The following STXBP4 variants were observed in gnomAD, a reference collection of about 807,000 sequenced individuals.
The protein encoded by STXBP4 is syntaxin binding protein 4.
STXBP4 carries 55 observed loss-of-function variants against 76.1 expected under a neutral mutation model. That is an observed-to-expected ratio of 0.72 (90% CI 0.58 to 0.91). The LOEUF is 0.91. STXBP4 is among the 40% of genes least tolerant of loss of function. The pLI is 0.00. For synonymous variants in STXBP4, 201 were observed against 220.2 expected (o/e 0.91, Z 0.77); for missense variants, 618 against 636.9 (o/e 0.97, Z 0.32).
intron 8 of STXBP4, among the ~76,000 whole-genome samples, chr17:55,023,655 A>T (rs1466355481): frequency 6.6e-6 from 1 of 152,080 alleles, no homozygotes; most frequent in African/African-American, 2.4e-5. Context: ...TAAAATAAAG[A>T]AGTTTTTAAA....
At chr17:55,150,355 C>CAG (rs939573281) in intron 17 of STXBP4, among the ~76,000 whole-genome samples, 1 of 152,140 alleles carries the variant, frequency 6.6e-6, no homozygotes, top group East Asian at 1.9e-4. Flanking sequence ...TCTTTGTACA[C>CAG]AGAGAGAGAG....
the STXBP4 span, among the ~76,000 whole-genome samples, chr17:55,201,322 T>C: frequency 0.066 from 9,893 of 150,964 alleles, 1,060 homozygotes; most frequent in African/African-American, 0.22. Context: ...AAAATTATTT[T>C]GTTATTGTGA....
chr17:55,141,339 A>G lies in STXBP4; in HGVS notation c.1519A>G (p.Thr507Ala). 1 of 1,612,286 alleles carries G rather than the reference A, an allele frequency of 6.2e-7. No homozygotes were observed. Among genetic ancestry groups the G allele is most frequent in the Non-Finnish European group, 8.5e-7 (1 of 1,179,016 alleles). ...CLPYGWEEAY[T>A]ADGIKYFINH... ...ACCTTATGGGTGGGAGGAAGCTTAC[A>G]CAGCAGATGGAATCAAGTACTTCAT... is the stretch of plus-strand genomic sequence containing the variant. Residue 507 changes from threonine (T) to alanine (A), a missense_variant, in exon 17 of 18, where the codon ACA (threonine) becomes GCA (alanine). Thr to Ala is a moderately conservative substitution (Grantham distance 58). Transcript: ENST00000376352.
At chr17:55,120,599 TACAA>T (rs778502173) in intron 16 of STXBP4, among the ~76,000 whole-genome samples, 76 of 152,196 alleles carry the variant, frequency 5.0e-4, no homozygotes, top group Non-Finnish European at 9.6e-4. Flanking sequence ...TTACCATCAT[TACAA>T]ACAGAGCCTG....
chr17:55,196,876 A>G, the STXBP4 span, among the ~76,000 whole-genome samples: 1 of 152,272 alleles, frequency 6.6e-6, no homozygotes, highest in Non-Finnish European at 1.5e-5. Flanking sequence ...AGAATGACAT[A>G]TAAATAGCCA....
chr17:55,191,827 T>TC, the STXBP4 span, among the ~76,000 whole-genome samples: 1 of 152,144 alleles, frequency 6.6e-6, no homozygotes, highest in Non-Finnish European at 1.5e-5. Context: ...GCTTAAGAGC[T>TC]CAGTCAAACA....
At chr17:54,990,785 C>A in intron 3 of STXBP4, 40 bp from the exon 4 acceptor site, 1 of 1,560,392 alleles carries the variant, frequency 6.4e-7, no homozygotes, top group South Asian at 1.3e-5. Flanking sequence ...AGGTGCAGAT[C>A]TCTAGACTAA....
intron 16 of STXBP4, among the ~76,000 whole-genome samples, chr17:55,116,448 G>T (rs244356): frequency 0.63 from 94,889 of 151,448 alleles, 30,382 homozygotes; most frequent in African/African-American, 0.75. Flanking sequence ...TTTCCCCATT[G>T]TAACTCTACT....
At chr17:55,090,806 G>C (rs1419093601) in intron 16 of STXBP4, among the ~76,000 whole-genome samples, 1 of 151,318 alleles carries the variant, frequency 6.6e-6, no homozygotes, top group African/African-American at 2.4e-5. Context: ...TTCCCATTCT[G>C]CTCTTACACA....
At chr17:55,207,739 A>T in the STXBP4 span, among the ~76,000 whole-genome samples, 1 of 152,198 alleles carries the variant, frequency 6.6e-6, no homozygotes, top group Non-Finnish European at 1.5e-5. Flanking sequence ...ACAATAGGAA[A>T]TATCCCATTT....
intron 8 of STXBP4, among the ~76,000 whole-genome samples, chr17:55,022,111 G>A (rs889159582): frequency 1.3e-4 from 20 of 150,080 alleles, no homozygotes; most frequent in African/African-American, 4.9e-4. Context: ...TGTCCCTTCT[G>A]TAGGAGTGCC....
At chr17:55,190,709 T>C in the STXBP4 span, among the ~76,000 whole-genome samples, 1 of 152,148 alleles carries the variant, frequency 6.6e-6, no homozygotes, top group African/African-American at 2.4e-5. Context: ...GTGGTTTGGG[T>C]GGCAATTTCC....
At chr17:55,140,582 A>T (rs903797603) in intron 16 of STXBP4, among the ~76,000 whole-genome samples, 8 of 152,258 alleles carry the variant, frequency 5.3e-5, no homozygotes, top group Admixed American at 1.3e-4. Flanking sequence ...GGCTGCCTCA[A>T]CTTGGGGCTG....
chr17:54,994,807 CTTT>C (rs964938596), intron 4 of STXBP4, among the ~76,000 whole-genome samples: 2 of 145,780 alleles, frequency 1.4e-5, no homozygotes, highest in African/African-American at 2.5e-5. Context: ...GCGAATTTCT[CTTT>C]TTTTTTTTTC....
chr17:54,999,650 G>C lies in STXBP4; in HGVS notation c.306G>C (p.Glu102Asp). ...GAKLRLESAW[E>D]IAFIRQKSDN... Reference sequence around the variant, plus strand: ...GTACTAGGTTAGAATCTGCTTGGGAGATAGCATTCATAAGACAAAAATCCG... The same window carrying C: ...GTACTAGGTTAGAATCTGCTTGGGACATAGCATTCATAAGACAAAAATCCG... The change falls in exon 6 of 18, where the codon GAG becomes GAC. Residue 102 changes from glutamate to aspartate, a missense_variant. Glu to Asp is a conservative substitution (Grantham distance 45). Coordinates refer to ENST00000376352, the MANE Select transcript of STXBP4 (RefSeq NM_178509.6). 6.2e-7 allele frequency: 1 copy of C among 1,613,604 alleles called. No individual in the cohort carries two copies. Among genetic ancestry groups the C allele is most frequent in the Non-Finnish European group, 8.5e-7 (1 of 1,179,766 alleles).
chr17:55,109,336 A>G (rs1034100108), intron 16 of STXBP4, among the ~76,000 whole-genome samples: 1 of 152,110 alleles, frequency 6.6e-6, no homozygotes. Flanking sequence ...TACATTACAA[A>G]TTTTCAAAAA....
intron 16 of STXBP4, among the ~76,000 whole-genome samples, chr17:55,134,350 C>A (rs1319167709): frequency 6.6e-6 from 1 of 151,702 alleles, no homozygotes; most frequent in African/African-American, 2.4e-5. Flanking sequence ...TATGAGATAA[C>A]CATGAAAACT....
intron 16 of STXBP4, among the ~76,000 whole-genome samples, chr17:55,117,178 A>AT (rs2079790409): frequency 6.6e-6 from 1 of 151,746 alleles, no homozygotes; most frequent in Admixed American, 6.6e-5. Flanking sequence ...TTACTAAGCA[A>AT]TTTTTTTAAT....
chr17:55,032,648 G>A (rs1005045400), intron 9 of STXBP4, among the ~76,000 whole-genome samples: 11 of 152,070 alleles, frequency 7.2e-5, no homozygotes, highest in Admixed American at 7.2e-4. Context: ...TACACCTCCA[G>A]GAGAAAAGAA....
Sources: allele counts gnomAD v4.1 joint callset (sites outside exome capture counted in the v4.1 genomes callset), GRCh38; gene constraint gnomAD v4.1.1; transcripts MANE v1.5; gene names NCBI Gene and HGNC (gene_info 2026-07-23, HGNC 2026-07-21).